Variants in PTPRT observed in about 807,000 individuals in gnomAD.
PTPRT encodes the protein protein tyrosine phosphatase receptor type T.
A neutral mutation model predicts 176.8 loss-of-function variants in PTPRT; 56 were observed. The ratio of observed to expected loss-of-function variants is 0.32; its 90% CI spans 0.26 to 0.40. The LOEUF is 0.40. Among genes scored for constraint, PTPRT ranks in the 10% least tolerant of loss-of-function variants. The pLI is 1.00. For missense variants in PTPRT, 1,540 were observed against 1,908.2 expected, an observed-to-expected ratio of 0.81 and a Z score of 3.60; for synonymous variants, 783 against 739.0, an observed-to-expected ratio of 1.06 and a Z score of -0.96.
rs146357734 is a variant in PTPRT, at chr20:43,142,426, G to C, written c.88+47220C>G. Among the ~76,000 whole-genome samples the C allele has an allele frequency of 6.1e-3, 935 of 152,298 alleles. 5 individuals are homozygous for C. Among genetic ancestry groups the C allele is most frequent in the Middle Eastern group, 0.02 (6 of 294 alleles). On this transcript the variant is annotated intron_variant, in intron 1 of 30. Coordinates refer to ENST00000373187, the MANE Select transcript of PTPRT (RefSeq NM_007050.6). ...GTGGAAGCAGCCAGGTCTTGGATCT[G>C]CACAAAACATTCTCTCCCCTCAAAG...
intron 27 of PTPRT, among the ~76,000 whole-genome samples, chr20:42,090,902 G>T (rs948961093): frequency 3.3e-5 from 5 of 152,216 alleles, no homozygotes; most frequent in African/African-American, 1.2e-4. Flanking sequence ...TCAGCCAAGA[G>T]TCTAGACCAA....
chr20:42,163,450 G>A (rs1989695832), intron 16 of PTPRT, among the ~76,000 whole-genome samples: 1 of 152,214 alleles, frequency 6.6e-6, no homozygotes, highest in Admixed American at 6.5e-5. Flanking sequence ...GTAATAGCTA[G>A]TACATGTTCA....
intron 13 of PTPRT, among the ~76,000 whole-genome samples, chr20:42,268,385 C>A (rs761647298): frequency 6.6e-6 from 1 of 152,246 alleles, no homozygotes; most frequent in Non-Finnish European, 1.5e-5. Flanking sequence ...TCTGACTGCT[C>A]GACTGGAATA....
chr20:42,338,345 A>G (rs2058068386), intron 11 of PTPRT, among the ~76,000 whole-genome samples: 1 of 152,150 alleles, frequency 6.6e-6, no homozygotes, highest in Non-Finnish European at 1.5e-5. Flanking sequence ...GTTGCAGAGG[A>G]GCCATTTGTG....
intron 15 of PTPRT, among the ~76,000 whole-genome samples, chr20:42,217,598 G>T (rs1036233127): frequency 4.6e-5 from 7 of 152,124 alleles, no homozygotes; most frequent in African/African-American, 1.7e-4. Flanking sequence ...CTCTATGCCA[G>T]GATTTCTCAA....
In PTPRT at chr20:43,083,345, T is replaced by TAC. The variant is rs1555828966; in HGVS notation, c.88+106300_88+106301insGT. 9.0e-4 allele frequency among the ~76,000 whole-genome samples: 106 copies of TAC among 117,356 alleles called. 2 individuals are homozygous for TAC. The highest frequency in any genetic ancestry group is 3.2e-3 in the African/African-American group (101 of 32,060). 77.0% of individuals were successfully genotyped at this position (117,356 alleles called of 152,430 possible). On this transcript the variant is annotated intron_variant, in intron 1 of 30. Coordinates refer to ENST00000373187, the MANE Select transcript of PTPRT (RefSeq NM_007050.6). ...GTATATATATATATATATATATATA[T>TAC]ATATATATATATATATATATATATA... is the stretch of plus-strand genomic sequence containing the variant.
intron 18 of PTPRT, among the ~76,000 whole-genome samples, chr20:42,131,948 T>A (rs1988142831): frequency 6.6e-6 from 1 of 152,146 alleles, no homozygotes; most frequent in Admixed American, 6.5e-5. Context: ...AAGGGTCTCC[T>A]GTCCTGGGAA....
In PTPRT at chr20:42,313,456, T is replaced by G. The variant is rs186594802; in HGVS notation, c.2139+2267A>C. ...CTGTAACAAAACCTCTGTGGTTGGC[T>G]CAGGGCCAACCACTCTTATGGTGAG... is the stretch of plus-strand genomic sequence containing the variant. On this transcript the variant is annotated intron_variant, in intron 12 of 30. Transcript: ENST00000373187. Among the ~76,000 whole-genome samples the G allele has an allele frequency of 4.6e-5, 7 of 152,240 alleles. No homozygotes were observed. The East Asian group carries it at 1.4e-3, about 29-fold the overall frequency.
intron 1 of PTPRT, among the ~76,000 whole-genome samples, chr20:42,936,534 G>A (rs980136704): frequency 6.6e-6 from 1 of 152,214 alleles, no homozygotes; most frequent in African/African-American, 2.4e-5. Context: ...TGAGACACAG[G>A]AGTGATATAA....
intron 6 of PTPRT, among the ~76,000 whole-genome samples, chr20:42,701,498 T>C (rs1020912765): frequency 3.9e-5 from 6 of 152,192 alleles, no homozygotes; most frequent in Non-Finnish European, 8.8e-5. Flanking sequence ...CTTTAGCATA[T>C]GCTCAACCTC....
intron 14 of PTPRT, among the ~76,000 whole-genome samples, chr20:42,242,767 T>C (rs1262706801): frequency 1.3e-5 from 2 of 152,202 alleles, no homozygotes; most frequent in Non-Finnish European, 2.9e-5. Flanking sequence ...CAGTATCACT[T>C]GACAAAGTTC....
intron 26 of PTPRT, among the ~76,000 whole-genome samples, chr20:42,099,365 C>T (rs1985635747): frequency 6.6e-6 from 1 of 152,084 alleles, no homozygotes; most frequent in Admixed American, 6.5e-5. Context: ...AAAAGGCCAG[C>T]AAACAAGAGC....
intron 1 of PTPRT, among the ~76,000 whole-genome samples, chr20:43,117,027 C>T (rs191323382): frequency 5.3e-5 from 8 of 152,292 alleles, no homozygotes; most frequent in African/African-American, 1.4e-4. Flanking sequence ...ATCTGTTCCA[C>T]ATGACTCTCA....
At chr20:42,691,494 G>A (rs947735992) in intron 6 of PTPRT, among the ~76,000 whole-genome samples, 1 of 152,204 alleles carries the variant, frequency 6.6e-6, no homozygotes, top group African/African-American at 2.4e-5. Flanking sequence ...AGTATCGACT[G>A]CTCTGAAGTG....
chr20:42,513,455 G>C (rs2071998325), intron 7 of PTPRT, among the ~76,000 whole-genome samples: 1 of 152,038 alleles, frequency 6.6e-6, no homozygotes, highest in Admixed American at 6.6e-5. Context: ...GAAGTTCACT[G>C]TTTTAGTTGT....
the PTPRT span, among the ~76,000 whole-genome samples, chr20:42,048,336 G>C: frequency 6.6e-6 from 1 of 152,196 alleles, no homozygotes; most frequent in Non-Finnish European, 1.5e-5. Flanking sequence ...CTCCCAATGA[G>C]AGGTGGGCTC....
chr20:42,476,768 G>A (rs758025057), intron 7 of PTPRT, among the ~76,000 whole-genome samples: 11 of 152,154 alleles, frequency 7.2e-5, no homozygotes, highest in South Asian at 6.2e-4. Flanking sequence ...TGGGCTAGGA[G>A]CTACCCTTAG....
chr20:42,680,246 C>T (rs976912927), intron 6 of PTPRT, among the ~76,000 whole-genome samples: 13 of 152,024 alleles, frequency 8.6e-5, no homozygotes, highest in Non-Finnish European at 1.3e-4. Context: ...CAGTGTGACT[C>T]GAAGCAAATC....
chr20:42,952,445 A>G (rs911863153), intron 1 of PTPRT, among the ~76,000 whole-genome samples: 2 of 152,208 alleles, frequency 1.3e-5, no homozygotes, highest in Non-Finnish European at 2.9e-5. Context: ...AAAAGCAGGG[A>G]CACTGGAACA....
Sources: allele counts gnomAD v4.1 joint callset (sites outside exome capture counted in the v4.1 genomes callset), GRCh38; gene constraint gnomAD v4.1.1; transcripts MANE v1.5; gene names NCBI Gene and HGNC (gene_info 2026-07-23, HGNC 2026-07-21).